MGAT4C: variants seen among roughly 807,000 people sequenced by gnomAD.
The protein encoded by MGAT4C is MGAT4 family member C, also known as alpha-1,3-mannosyl-glycoprotein 4-beta-N-acetylglucosaminyltransferase C.
Under a neutral mutation model 40.1 loss-of-function variants are expected in MGAT4C, and 19 were observed. The observed-to-expected ratio is 0.47, with a 90% CI of 0.33 to 0.70. MGAT4C has a LOEUF of 0.70. Ranked by LOEUF, MGAT4C falls within the 30% of genes least tolerant of loss-of-function variation. The pLI, the probability that MGAT4C is intolerant of heterozygous loss-of-function variation, is 0.02. For synonymous variants in MGAT4C, 181 were observed against 187.1 expected (o/e 0.97, Z 0.27); for missense variants, 491 against 563.2 (o/e 0.87, Z 1.30).
chr12:86,506,709 G>T (rs1256462980), intron 2 of MGAT4C, among the ~76,000 whole-genome samples: 1 of 152,256 alleles, frequency 6.6e-6, no homozygotes, highest in South Asian at 2.1e-4. Flanking sequence ...TGTGGATCAA[G>T]AAATGCAGAA....
chr12:86,269,227 T>G (rs1030475012), intron 4 of MGAT4C, among the ~76,000 whole-genome samples: 37 of 151,162 alleles, frequency 2.4e-4, no homozygotes, highest in African/African-American at 8.0e-4. Context: ...ATAACCTGCT[T>G]AAGTGTTTTA....
intron 3 of MGAT4C, among the ~76,000 whole-genome samples, chr12:86,404,523 G>GAGTA (rs1956427723): frequency 1.3e-5 from 2 of 152,158 alleles, no homozygotes; most frequent in South Asian, 2.1e-4. Flanking sequence ...CACAGAAAAA[G>GAGTA]AGTAAGCAAT....
chr12:86,799,584 G>C (rs1952189168), intron 1 of MGAT4C, among the ~76,000 whole-genome samples: 1 of 151,834 alleles, frequency 6.6e-6, no homozygotes, highest in African/African-American at 2.4e-5. Flanking sequence ...TTTGTCAGAA[G>C]AGAGAACAAT....
At chr12:86,116,322 A>G (rs1878413443) in intron 1 of MGAT4C, among the ~76,000 whole-genome samples, 1 of 152,056 alleles carries the variant, frequency 6.6e-6, no homozygotes, top group Non-Finnish European at 1.5e-5. Context: ...AAGTATTATC[A>G]GTCAGAAGTT....
At chr12:86,105,067 T>G (rs1875898148) in intron 1 of MGAT4C, among the ~76,000 whole-genome samples, 3 of 152,146 alleles carry the variant, frequency 2.0e-5, no homozygotes, top group Non-Finnish European at 4.4e-5. Context: ...CATGAAAAAT[T>G]TATATGTAAA....
chr12:86,836,613 A>G (rs1593252734), intron 1 of MGAT4C, among the ~76,000 whole-genome samples: 1 of 152,098 alleles, frequency 6.6e-6, no homozygotes, highest in Admixed American at 6.6e-5. Flanking sequence ...TCCTATGGGG[A>G]GGCAAGAGAC....
intron 1 of MGAT4C, among the ~76,000 whole-genome samples, chr12:86,829,039 A>G (rs1952866050): frequency 6.6e-6 from 1 of 151,632 alleles, no homozygotes; most frequent in Admixed American, 6.6e-5. Context: ...TGCATTATAT[A>G]CACATTTATA....
At position 86,743,392 on chromosome 12, in the gene MGAT4C, A is replaced by T. The variant is rs1055424112; in HGVS notation, c.-261-16151T>A. On this transcript the variant is annotated intron_variant, in intron 1 of 7. Transcript: ENST00000548651. ...ATTTAATAACTTATGGTACATATAC[A>T]TTTTATATTTTAAAAGATAATGTAT... Among the ~76,000 whole-genome samples the T allele has an allele frequency of 2.0e-5, 3 of 151,726 alleles. No homozygotes were observed. The South Asian group carries it at 6.2e-4, about 31-fold the overall frequency.
intron 2 of MGAT4C, among the ~76,000 whole-genome samples, chr12:86,486,069 TTAAACA>T (rs1958013978): frequency 6.6e-6 from 1 of 152,126 alleles, no homozygotes; most frequent in Non-Finnish European, 1.5e-5. Context: ...TAAAAGGTCC[TTAAACA>T]TGGAAGCAAA....
chr12:86,540,685 G>A (rs926641567), intron 2 of MGAT4C, among the ~76,000 whole-genome samples: 14 of 152,096 alleles, frequency 9.2e-5, no homozygotes, highest in African/African-American at 1.9e-4. Flanking sequence ...GCAGTGAGCC[G>A]AGATTGCACC....
chr12:86,806,847 G>C (rs11104099), intron 1 of MGAT4C, among the ~76,000 whole-genome samples: 77,447 of 151,410 alleles, frequency 0.51, 20,460 homozygotes, highest in Middle Eastern at 0.63. Flanking sequence ...CACACACTGG[G>C]GCCTGTTGTG....
intron 1 of MGAT4C, among the ~76,000 whole-genome samples, chr12:86,245,469 T>A (rs1485571410): frequency 6.6e-6 from 1 of 152,226 alleles, no homozygotes; most frequent in African/African-American, 2.4e-5. Flanking sequence ...CCCATGGGCA[T>A]CCTCAAATTG....
intron 1 of MGAT4C, among the ~76,000 whole-genome samples, chr12:86,220,768 A>G (rs954030772): frequency 1.8e-4 from 27 of 152,194 alleles, no homozygotes; most frequent in African/African-American, 6.3e-4. Context: ...TCCATAACCA[A>G]TTGGAAACTG....
rs147027524 is a variant in MGAT4C at position 86,290,616 on chromosome 12, C to T, written c.-57+43449G>A. 4.5e-3 allele frequency among the ~76,000 whole-genome samples: 682 copies of T among 151,874 alleles called. 7 individuals carry two copies. Among genetic ancestry groups the T allele is most frequent in the South Asian group, 0.014 (67 of 4,824 alleles). On this transcript the variant is annotated intron_variant, in intron 4 of 7. Transcript: ENST00000548651. ...AATGAAAACACATTTTAAACCATAA[C>T]CTGACAAAATCATTTGTGCATCAAA...
intron 2 of MGAT4C, among the ~76,000 whole-genome samples, chr12:86,532,118 A>T (rs528144428): frequency 6.6e-6 from 1 of 152,114 alleles, no homozygotes; most frequent in South Asian, 2.1e-4. Context: ...AAATTAAGTG[A>T]CTGAAATTCC....
At chr12:86,272,224 ATTAT>A (rs1178388379) in intron 4 of MGAT4C, among the ~76,000 whole-genome samples, 3 of 152,192 alleles carry the variant, frequency 2.0e-5, no homozygotes, top group African/African-American at 7.2e-5. Context: ...AAATAAAAAA[ATTAT>A]TTATTCGTAA....
intron 2 of MGAT4C, among the ~76,000 whole-genome samples, chr12:86,449,258 TGA>T (rs113344799): frequency 3.1e-4 from 47 of 152,282 alleles, no homozygotes; most frequent in African/African-American, 1.1e-3. Context: ...GAAAGCATAG[TGA>T]GCTTTCAGGT....
chr12:86,302,212 T>C (rs1219096842), intron 4 of MGAT4C, among the ~76,000 whole-genome samples: 2 of 150,954 alleles, frequency 1.3e-5, no homozygotes, highest in Non-Finnish European at 2.9e-5. Flanking sequence ...AAAGATTCTT[T>C]AGCATACTTC....
intron 4 of MGAT4C, among the ~76,000 whole-genome samples, chr12:86,298,375 C>T (rs1953731993): frequency 6.6e-6 from 1 of 152,020 alleles, no homozygotes; most frequent in Non-Finnish European, 1.5e-5. Context: ...GAGATGGCAA[C>T]TTGTATATAG....
Sources: gnomAD v4.1 joint callset for allele counts (sites outside exome capture counted in the v4.1 genomes callset) on GRCh38, gnomAD v4.1.1 for gene constraint, MANE v1.5 for transcripts, NCBI Gene and HGNC (gene_info 2026-07-23, HGNC 2026-07-21) for gene names.